ZNF423: variants seen among roughly 807,000 people sequenced by gnomAD.
ZNF423 encodes the protein Ebf-associated zinc finger protein.
Under a neutral mutation model 95.8 loss-of-function variants are expected in ZNF423, and 12 were observed. That is an observed-to-expected ratio of 0.13 (90% CI 0.08 to 0.20). The LOEUF (loss-of-function observed/expected upper bound fraction) is 0.20. ZNF423 is among the 10% of genes least tolerant of loss of function. The pLI, the probability that ZNF423 is intolerant of heterozygous loss-of-function variation, is 1.00. For synonymous variants in ZNF423, 749 were observed against 711.9 expected, an observed-to-expected ratio of 1.05 and a Z score of -0.83; for missense variants, 1,316 against 1,737.1, an observed-to-expected ratio of 0.76 and a Z score of 4.31.
chr16:49,498,079 G>T (rs554578709), intron 7 of ZNF423, among the ~76,000 whole-genome samples: 2 of 152,262 alleles, frequency 1.3e-5, no homozygotes, highest in Admixed American at 1.3e-4. Context: ...GTGAACCCCT[G>T]GACAACAGCA....
chr16:49,779,415 A>G (rs989722580), intron 2 of ZNF423, among the ~76,000 whole-genome samples: 1 of 152,056 alleles, frequency 6.6e-6, no homozygotes, highest in Non-Finnish European at 1.5e-5. Context: ...CAGTCTATGG[A>G]CCAGCAGCAT....
At chr16:49,797,505 G>A (rs11076501) in intron 1 of ZNF423, among the ~76,000 whole-genome samples, 3,201 of 152,302 alleles carry the variant, frequency 0.021, 36 homozygotes, top group Non-Finnish European at 0.031. Flanking sequence ...CAAACCCAAC[G>A]AGGAAGCCCA....
chr16:49,768,583 T>C (rs1214637475), intron 2 of ZNF423, among the ~76,000 whole-genome samples: 3 of 152,138 alleles, frequency 2.0e-5, no homozygotes, highest in Non-Finnish European at 2.9e-5. Flanking sequence ...CTCCCAGTTT[T>C]CCTCCTTCCT....
intron 1 of ZNF423, among the ~76,000 whole-genome samples, chr16:49,805,913 G>T (rs1429659271): frequency 6.6e-6 from 1 of 152,258 alleles, no homozygotes; most frequent in Non-Finnish European, 1.5e-5. Context: ...AGTCCATCCA[G>T]GGTTGCAATG....
intron 5 of ZNF423, among the ~76,000 whole-genome samples, chr16:49,544,591 C>T (rs948319831): frequency 1.3e-5 from 2 of 152,224 alleles, no homozygotes; most frequent in African/African-American, 4.8e-5. Context: ...TAGGTACCTA[C>T]TGAATGGATG....
intron 5 of ZNF423, among the ~76,000 whole-genome samples, chr16:49,543,478 C>A (rs1175184606): frequency 6.6e-6 from 1 of 152,220 alleles, no homozygotes; most frequent in Non-Finnish European, 1.5e-5. Flanking sequence ...CTTCTGCTGC[C>A]CCCGGAGTCC....
chr16:49,580,119 G>A (rs1352884719), intron 5 of ZNF423, among the ~76,000 whole-genome samples: 1 of 152,120 alleles, frequency 6.6e-6, no homozygotes, highest in Non-Finnish European at 1.5e-5. Flanking sequence ...GTCACTCACA[G>A]CTTATAGTCC....
intron 7 of ZNF423, among the ~76,000 whole-genome samples, chr16:49,516,017 AC>A (rs1391100158): frequency 3.3e-5 from 5 of 152,032 alleles, no homozygotes; most frequent in Non-Finnish European, 4.4e-5. Context: ...GCTGTCTTGC[AC>A]CCCCAGTCAA....
intron 7 of ZNF423, among the ~76,000 whole-genome samples, chr16:49,522,620 T>C (rs1280965502): frequency 2.0e-5 from 3 of 152,152 alleles, no homozygotes; most frequent in East Asian, 1.9e-4. Context: ...TGTCCGTCTA[T>C]GTGTATGTGT....
intron 7 of ZNF423, among the ~76,000 whole-genome samples, chr16:49,493,611 A>G (rs1051992342): frequency 5.9e-5 from 9 of 152,096 alleles, no homozygotes; most frequent in Non-Finnish European, 1.2e-4. Context: ...AAGAGAGGGG[A>G]CATGAGGAAG....
At chr16:49,542,456 G>A (rs1969286744) in intron 5 of ZNF423, among the ~76,000 whole-genome samples, 1 of 152,240 alleles carries the variant, frequency 6.6e-6, no homozygotes, top group African/African-American at 2.4e-5. Context: ...CCTATGGATG[G>A]CCCTGAAAAG....
At chr16:49,773,622 A>T (rs1184142480) in intron 2 of ZNF423, among the ~76,000 whole-genome samples, 1 of 152,238 alleles carries the variant, frequency 6.6e-6, no homozygotes, top group Non-Finnish European at 1.5e-5. Context: ...AAGTTAAATG[A>T]TAAATAATGA....
At chr16:49,574,043 G>T (rs868464451) in intron 5 of ZNF423, among the ~76,000 whole-genome samples, 2 of 152,174 alleles carry the variant, frequency 1.3e-5, no homozygotes, top group African/African-American at 2.4e-5. Context: ...TAAGGAAAGT[G>T]GTTCTCAAAC....
chr16:49,659,919 A>G (rs1479381064), intron 3 of ZNF423, among the ~76,000 whole-genome samples: 1 of 152,152 alleles, frequency 6.6e-6, no homozygotes, highest in Non-Finnish European at 1.5e-5. Context: ...GGCCCTCAAT[A>G]TTTGCCAAAT....
At chr16:49,600,358 AG>A (rs1004016847) in intron 5 of ZNF423, among the ~76,000 whole-genome samples, 4 of 151,966 alleles carry the variant, frequency 2.6e-5, no homozygotes, top group Non-Finnish European at 5.9e-5. Flanking sequence ...ATAAAATAAA[AG>A]GGGGCAGATC....
chr16:49,540,181 C>A (rs1345080893), intron 5 of ZNF423, among the ~76,000 whole-genome samples: 2 of 152,218 alleles, frequency 1.3e-5, no homozygotes, highest in Non-Finnish European at 2.9e-5. Flanking sequence ...TAGTTCACTG[C>A]TCCAGAACCC....
chr16:49,849,802 T>G (rs2035282921), intron 1 of ZNF423, among the ~76,000 whole-genome samples: 1 of 152,234 alleles, frequency 6.6e-6, no homozygotes. Context: ...GTAACTGAGC[T>G]CCGACATTGT....
chr16:49,511,252 C>T (rs1396076524), intron 7 of ZNF423, among the ~76,000 whole-genome samples: 2 of 152,170 alleles, frequency 1.3e-5, no homozygotes, highest in East Asian at 1.9e-4. Flanking sequence ...TATCATGCCC[C>T]GGGAGCTGCA....
intron 1 of ZNF423, among the ~76,000 whole-genome samples, chr16:49,800,012 G>T (rs1487966358): frequency 6.6e-6 from 1 of 152,146 alleles, no homozygotes; most frequent in Admixed American, 6.5e-5. Flanking sequence ...CCAGCACTTT[G>T]GGAAGCAGAT....
Sources: allele counts gnomAD v4.1 joint callset (sites outside exome capture counted in the v4.1 genomes callset), GRCh38; gene constraint gnomAD v4.1.1; transcripts MANE v1.5; gene names NCBI Gene and HGNC (gene_info 2026-07-23, HGNC 2026-07-21).